The following KIAA0040 variants were observed in gnomAD, a reference collection of about 807,000 sequenced individuals.
The protein encoded by KIAA0040 is KIAA0040, also known as uncharacterized protein KIAA0040.
In KIAA0040, 10 loss-of-function variants were observed where a neutral mutation model predicts 7.2. That is an observed-to-expected ratio of 1.38 (90% CI 0.85 to 2.34). The LOEUF is 2.34. Ranked by LOEUF, KIAA0040 falls within the 30% of genes most tolerant of loss-of-function variation. The probability of loss-of-function intolerance (pLI) is 0.00; values close to 1 mark genes in which losing one functional copy is unlikely to be tolerated. For missense variants in KIAA0040, 89 were observed against 108.2 expected (o/e 0.82, Z 0.79); for synonymous variants, 49 against 40.1 (o/e 1.22, Z -0.84).
Position 175,167,538 on chromosome 1 carries a change from C to T in KIAA0040, c.-309-801G>A, listed in dbSNP as rs1237067499. Among the ~76,000 whole-genome samples the T allele has an allele frequency of 8.6e-4, 131 of 152,204 alleles. 1 individual carries two copies. Among genetic ancestry groups the T allele is most frequent in the Non-Finnish European group, 7.4e-5 (5 of 68,014 alleles). On this transcript the variant is annotated intron_variant, in intron 2 of 3. Transcript: ENST00000423313. ...CCACACCACAGGACCTTGTAAGCCA[C>T]GTGGAGGGCTAGAGTTTGCTGTGAG...
At chr1:175,188,547 A>G (rs1370816511) in intron 1 of KIAA0040, among the ~76,000 whole-genome samples, 2 of 152,140 alleles carry the variant, frequency 1.3e-5, no homozygotes, top group African/African-American at 4.8e-5. Context: ...TTACATATCG[A>G]TATTGGATAT....
chr1:175,170,880 CATCTAAACT>C (rs1558393249), intron 2 of KIAA0040, among the ~76,000 whole-genome samples: 6 of 1,776 alleles, frequency 3.4e-3, no homozygotes, highest in African/African-American at 0.012. Flanking sequence ...AGAAGTATGA[CATCTAAACT>C]AGAAGTATGA....
intron 1 of KIAA0040, among the ~76,000 whole-genome samples, chr1:175,183,770 G>A (rs1677539373): frequency 6.6e-6 from 1 of 152,212 alleles, no homozygotes; most frequent in Middle Eastern, 3.2e-3. Flanking sequence ...TCCCAGGAAT[G>A]GGCTTTTCTC....
intron 1 of KIAA0040, among the ~76,000 whole-genome samples, chr1:175,178,642 C>T (rs1677303877): frequency 6.6e-6 from 1 of 152,144 alleles, no homozygotes; most frequent in Non-Finnish European, 1.5e-5. Flanking sequence ...AGAGTTTCTT[C>T]ACGAACCTTA....
At chr1:175,165,267 T>C (rs1247858360) in intron 3 of KIAA0040, among the ~76,000 whole-genome samples, 1 of 152,196 alleles carries the variant, frequency 6.6e-6, no homozygotes, top group African/African-American at 2.4e-5. Flanking sequence ...CTGCATGACC[T>C]TGGCAAGTTA....
At chr1:175,185,991 A>G (rs1312828669) in intron 1 of KIAA0040, among the ~76,000 whole-genome samples, 2 of 152,254 alleles carry the variant, frequency 1.3e-5, no homozygotes, top group South Asian at 2.1e-4. Context: ...AAGCAACTCC[A>G]TAGAGGTAGG....
chr1:175,161,063 T>C lies in KIAA0040; in HGVS notation c.-50A>G. 6.7e-7 allele frequency: 1 copy of C among 1,495,220 alleles called. No individual in the cohort carries two copies. The highest frequency in any genetic ancestry group is 8.9e-7 in the Non-Finnish European group (1 of 1,118,400). 92.6% of individuals were successfully genotyped at this position (1,495,220 alleles called of 1,614,324 possible). A position where few individuals can be genotyped will look rare whatever the true frequency, so the allele number is the denominator to read the frequency against. ...AGAACCCTCTCGGCTTACAAGCAGG[T>C]CCTGGGCTCAAAAGGATGCAACCTT... On this transcript the variant is annotated 5_prime_UTR_variant, in exon 4 of 4. Transcript: ENST00000423313.
At chr1:175,191,520 C>A (rs1433168156) in intron 1 of KIAA0040, among the ~76,000 whole-genome samples, 3 of 152,236 alleles carry the variant, frequency 2.0e-5, no homozygotes, top group Non-Finnish European at 4.4e-5. Context: ...GGGTGAAGGG[C>A]AGGCACATCA....
At chr1:175,175,576 T>C (rs10798340) in intron 2 of KIAA0040, among the ~76,000 whole-genome samples, 146,974 of 151,802 alleles carry the variant, frequency 0.97, 71,158 homozygotes, top group East Asian at 0.99. Context: ...CACATGCACA[T>C]GTATGTTCAT....
rs766455015 is a variant in KIAA0040, at chr1:175,170,864, GTC to G, written c.-309-4129_-309-4128del. Among the ~76,000 whole-genome samples, 1,095 of 146,994 alleles carry G rather than the reference GTC, an allele frequency of 7.4e-3. 12 individuals carry two copies. Among genetic ancestry groups the G allele is most frequent in the South Asian group, 0.013 (61 of 4,674 alleles). On this transcript the variant is annotated intron_variant, in intron 2 of 3. Transcript: ENST00000423313. ...CCCTGCTCACGCCTCATGGCTTCCC[GTC>G]ACTAGAAGTATGACATCTAAACTAG...
intron 2 of KIAA0040, among the ~76,000 whole-genome samples, chr1:175,169,409 G>T (rs1676898267): frequency 6.6e-6 from 1 of 152,170 alleles, no homozygotes; most frequent in South Asian, 2.1e-4. Context: ...TTTCTCATTT[G>T]TAGAATGGCA....
chr1:175,174,737 C>T (rs1444104771), intron 2 of KIAA0040, among the ~76,000 whole-genome samples: 1 of 152,052 alleles, frequency 6.6e-6, no homozygotes, highest in African/African-American at 2.4e-5. Context: ...AGCTACATTT[C>T]CAAAGTGGAG....
intron 2 of KIAA0040, among the ~76,000 whole-genome samples, chr1:175,171,704 C>G (rs1038980824): frequency 1.3e-5 from 2 of 152,194 alleles, no homozygotes; most frequent in Non-Finnish European, 2.9e-5. Flanking sequence ...GTTTTATCAG[C>G]TCCTAAATAA....
In KIAA0040 at chr1:175,158,067, G is replaced by A. The variant is rs1676361115; in HGVS notation, c.*2647C>T. ...TGGAGAAAAAGATGAGAAGGAAGTG[G>A]AAAGAAGAGAGTGGATATCAACAAT... On this transcript the variant is annotated 3_prime_UTR_variant, in exon 4 of 4. Coordinates refer to ENST00000423313, the MANE Select transcript of KIAA0040 (RefSeq NM_014656.3). 3 of 152,546 alleles carry A rather than the reference G, an allele frequency of 2.0e-5. No individual in the cohort carries two copies. The highest frequency in any genetic ancestry group is 7.2e-5 in the African/African-American group (3 of 41,440). 9.4% of individuals were successfully genotyped at this position (152,546 alleles called of 1,614,324 possible).
chr1:175,175,971 A>T (rs887666128), intron 2 of KIAA0040, among the ~76,000 whole-genome samples: 2 of 152,222 alleles, frequency 1.3e-5, no homozygotes, highest in African/African-American at 4.8e-5. Flanking sequence ...ACATGTATAC[A>T]TATGTAACAA....
chr1:175,162,365 T>C (rs1676579257), intron 3 of KIAA0040, among the ~76,000 whole-genome samples: 1 of 152,072 alleles, frequency 6.6e-6, no homozygotes, highest in African/African-American at 2.4e-5. Context: ...TGAGGTGACA[T>C]GTCTGAGGCC....
At chr1:175,178,091 G>A (rs140473116) in intron 1 of KIAA0040, among the ~76,000 whole-genome samples, 2 of 152,352 alleles carry the variant, frequency 1.3e-5, no homozygotes, top group African/African-American at 2.4e-5. Context: ...GCTGGATGGA[G>A]ACCACTCCTA....
chr1:175,160,770 T>A lies in KIAA0040; in HGVS notation c.244A>T (p.Ile82Phe). 6.5e-7 allele frequency: 1 copy of A among 1,549,022 alleles called. No homozygotes were observed. Among genetic ancestry groups the A allele is most frequent in the Non-Finnish European group, 8.7e-7 (1 of 1,146,780 alleles). The change falls in exon 4 of 4, where the codon ATC becomes TTC. Residue 82 changes from isoleucine (I) to phenylalanine (F), a missense_variant. Transcript: ENST00000423313. Reference sequence around the variant, plus strand: ...TGGAGAAGCTTGGGTTGAGCAGAGATCCAGAGGTCTTCTTCATCCTTCTTC... The same window carrying A: ...TGGAGAAGCTTGGGTTGAGCAGAGAACCAGAGGTCTTCTTCATCCTTCTTC... ...KKKKDEEDLW[I>F]SAQPKLLQME...
chr1:175,160,788 CCTTCTT>C lies in KIAA0040; in HGVS notation c.220_225del (p.Lys74_Lys75del), dbSNP rs150137790. On this transcript the variant is annotated inframe_deletion, in exon 4 of 4. Coordinates refer to ENST00000423313, the MANE Select transcript of KIAA0040 (RefSeq NM_014656.3). ...GCAGAGATCCAGAGGTCTTCTTCAT[CCTTCTT>C]CTTCTTCTTCTTCTTCTTCTTCTTG... The C allele has an allele frequency of 3.1e-5, 45 of 1,429,918 alleles. No homozygotes were observed. The highest frequency in any genetic ancestry group is 1.3e-4 in the African/African-American group (6 of 47,922). 88.6% of individuals were successfully genotyped at this position (1,429,918 alleles called of 1,614,324 possible). A position where few individuals can be genotyped will look rare whatever the true frequency, so the allele number is the denominator to read the frequency against.
Sources: gnomAD v4.1 joint callset for allele counts (sites outside exome capture counted in the v4.1 genomes callset) on GRCh38, gnomAD v4.1.1 for gene constraint, MANE v1.5 for transcripts, NCBI Gene and HGNC (gene_info 2026-07-23, HGNC 2026-07-21) for gene names.